The following XKR9 variants were observed in gnomAD, a reference collection of about 807,000 sequenced individuals.
XKR9 encodes the protein XK-related protein 9.
In XKR9, 32 loss-of-function variants were observed where a neutral mutation model predicts 32.0. The ratio of observed to expected loss-of-function variants is 1.00; its 90% CI spans 0.76 to 1.34. The LOEUF is 1.34. Among genes scored for constraint, XKR9 ranks in the 40% most tolerant of loss-of-function variants. XKR9 has a pLI of 0.00. For missense variants in XKR9, 546 were observed against 429.7 expected (o/e 1.27, Z -2.39); for synonymous variants, 168 against 143.4 (o/e 1.17, Z -1.22).
chr8:70,796,870 C>T, the XKR9 span, among the ~76,000 whole-genome samples: 2 of 152,132 alleles, frequency 1.3e-5, no homozygotes, highest in Non-Finnish European at 2.9e-5. Flanking sequence ...ATATATTATG[C>T]CTTTAGGTTA....
the XKR9 span, among the ~76,000 whole-genome samples, chr8:71,001,519 A>C: frequency 5.9e-5 from 9 of 152,126 alleles, no homozygotes; most frequent in African/African-American, 2.2e-4. Context: ...TCAGCCTCCC[A>C]AAAATCACCT....
At chr8:70,891,415 T>C in the XKR9 span, among the ~76,000 whole-genome samples, 12 of 152,190 alleles carry the variant, frequency 7.9e-5, no homozygotes, top group African/African-American at 2.9e-4. Flanking sequence ...ACTTTTTTGA[T>C]GTAGGCATTT....
the XKR9 span, among the ~76,000 whole-genome samples, chr8:70,864,748 T>C: frequency 1.5e-4 from 23 of 152,260 alleles, no homozygotes; most frequent in Non-Finnish European, 2.9e-4. Context: ...GTGATGTTTA[T>C]GGAACCGTTT....
At chr8:70,851,716 A>T in the XKR9 span, among the ~76,000 whole-genome samples, 2 of 152,228 alleles carry the variant, frequency 1.3e-5, no homozygotes, top group Non-Finnish European at 2.9e-5. Flanking sequence ...GTGCTGGGAA[A>T]ACTGGCTAGC....
the XKR9 span, among the ~76,000 whole-genome samples, chr8:71,013,862 C>T: frequency 6.6e-6 from 1 of 152,110 alleles, no homozygotes; most frequent in East Asian, 1.9e-4. Flanking sequence ...AAGACTTTAA[C>T]TCAATAGTGT....
the XKR9 span, among the ~76,000 whole-genome samples, chr8:70,955,775 T>C: frequency 3.3e-4 from 51 of 152,270 alleles, 1 homozygote; most frequent in South Asian, 9.9e-3. Context: ...AAGGGATGTG[T>C]GAGCGAGTGA....
At chr8:70,732,089 CTA>C (rs965201134) in intron 4 of XKR9, among the ~76,000 whole-genome samples, 1 of 152,148 alleles carries the variant, frequency 6.6e-6, no homozygotes, top group African/African-American at 2.4e-5. Context: ...CACAGTGGGG[CTA>C]TAGACAAACC....
At chr8:70,855,081 G>A in the XKR9 span, among the ~76,000 whole-genome samples, 3 of 152,008 alleles carry the variant, frequency 2.0e-5, no homozygotes, top group Non-Finnish European at 4.4e-5. Context: ...AGCTTGATGG[G>A]GATGGCATTG....
chr8:70,841,093 C>G, the XKR9 span, among the ~76,000 whole-genome samples: 2 of 152,010 alleles, frequency 1.3e-5, no homozygotes, highest in Non-Finnish European at 2.9e-5. Flanking sequence ...TGTCAAGACA[C>G]AAGATAATGA....
chr8:71,028,029 C>T, the XKR9 span, among the ~76,000 whole-genome samples: 1 of 152,164 alleles, frequency 6.6e-6, no homozygotes, highest in Non-Finnish European at 1.5e-5. Context: ...CCACCTTGGC[C>T]TTCCAAAGTA....
At chr8:70,950,618 A>G in the XKR9 span, among the ~76,000 whole-genome samples, 1 of 152,184 alleles carries the variant, frequency 6.6e-6, no homozygotes, top group African/African-American at 2.4e-5. Flanking sequence ...GAGGCCATCC[A>G]ATGGTTGTGG....
chr8:70,796,621 CTAA>C, the XKR9 span, among the ~76,000 whole-genome samples: 1 of 152,018 alleles, frequency 6.6e-6, no homozygotes. Context: ...TTTTGTAACT[CTAA>C]TAATGTTACA....
At chr8:70,914,715 C>T in the XKR9 span, among the ~76,000 whole-genome samples, 17 of 152,068 alleles carry the variant, frequency 1.1e-4, no homozygotes, top group African/African-American at 4.1e-4. Context: ...AAAAGAAGTC[C>T]TTAATTTTAA....
the XKR9 span, among the ~76,000 whole-genome samples, chr8:70,921,094 CCTAATTGTGGTGGA>C: frequency 6.6e-6 from 1 of 152,196 alleles, no homozygotes; most frequent in South Asian, 2.1e-4. Flanking sequence ...AAATGCAAGT[CCTAATTGTGGTGGA>C]CTATAGCCAG....
the XKR9 span, among the ~76,000 whole-genome samples, chr8:70,883,074 C>A: frequency 6.6e-6 from 1 of 151,870 alleles, no homozygotes; most frequent in East Asian, 1.9e-4. Context: ...ATGCACCTGT[C>A]ACCCAAGCAG....
At chr8:70,671,704 G>T in intron 1 of XKR9, among the ~76,000 whole-genome samples, 1 of 87,456 alleles carries the variant, frequency 1.1e-5, no homozygotes, top group Non-Finnish European at 2.9e-5. Flanking sequence ...TGGTGTATAT[G>T]TGCCACATTT....
the XKR9 span, among the ~76,000 whole-genome samples, chr8:71,036,209 A>G: frequency 5.7e-3 from 873 of 152,314 alleles, 12 homozygotes; most frequent in African/African-American, 0.02. Flanking sequence ...CAATGAATAG[A>G]AAAAATATTA....
chr8:70,835,722 ATAGTTCAAATATGTAG>A, the XKR9 span, among the ~76,000 whole-genome samples: 2 of 152,070 alleles, frequency 1.3e-5, no homozygotes, highest in African/African-American at 4.8e-5. Flanking sequence ...ACTTTTAGTC[ATAGTTCAAATATGTAG>A]TAGACTACCT....
intron 3 of XKR9, among the ~76,000 whole-genome samples, chr8:70,696,760 A>T (rs1301382748): frequency 6.6e-6 from 1 of 151,280 alleles, no homozygotes; most frequent in Non-Finnish European, 1.5e-5. Flanking sequence ...TTGAATCTAT[A>T]AATTACCTTG....
Sources: gnomAD v4.1 joint callset for allele counts (sites outside exome capture counted in the v4.1 genomes callset) on GRCh38, gnomAD v4.1.1 for gene constraint, MANE v1.5 for transcripts, NCBI Gene and HGNC (gene_info 2026-07-23, HGNC 2026-07-21) for gene names.